The following AMBRA1 variants were observed in gnomAD, a reference collection of about 807,000 sequenced individuals.
The protein encoded by AMBRA1 is autophagy and beclin 1 regulator 1.
AMBRA1 carries 47 observed loss-of-function variants against 125.4 expected under a neutral mutation model. That is an observed-to-expected ratio of 0.37 (90% CI 0.30 to 0.48). The LOEUF is 0.48. AMBRA1 is among the 20% of genes least tolerant of loss of function. The probability of loss-of-function intolerance (pLI) is 0.99; values close to 1 mark genes in which losing one functional copy is unlikely to be tolerated. For synonymous variants in AMBRA1, 626 were observed against 655.5 expected, an observed-to-expected ratio of 0.95 and a Z score of 0.69; for missense variants, 1,331 against 1,693.4, an observed-to-expected ratio of 0.79 and a Z score of 3.76.
intron 14 of AMBRA1, among the ~76,000 whole-genome samples, chr11:46,425,955 G>A (rs886825359): frequency 6.6e-6 from 1 of 150,896 alleles, no homozygotes; most frequent in Non-Finnish European, 1.5e-5. Context: ...GACCATTCTG[G>A]CTAACACGGT....
intron 11 of AMBRA1, among the ~76,000 whole-genome samples, chr11:46,469,897 C>T (rs911923643): frequency 8.1e-5 from 12 of 147,440 alleles, no homozygotes; most frequent in South Asian, 2.1e-4. Flanking sequence ...AGACTGGTCT[C>T]GAACTCCTGG....
At chr11:46,471,866 T>C (rs1423762339) in intron 11 of AMBRA1, among the ~76,000 whole-genome samples, 1 of 152,126 alleles carries the variant, frequency 6.6e-6, no homozygotes, top group East Asian at 2.0e-4. Context: ...GTCCTCATGA[T>C]CCACCCACCT....
chr11:46,460,297 T>C (rs570990619), intron 11 of AMBRA1, among the ~76,000 whole-genome samples: 1 of 151,736 alleles, frequency 6.6e-6, no homozygotes, highest in Admixed American at 6.6e-5. Flanking sequence ...TCCATATGCA[T>C]ACGACCCCAT....
intron 9 of AMBRA1, among the ~76,000 whole-genome samples, chr11:46,501,360 G>A (rs762641846): frequency 6.6e-6 from 1 of 152,230 alleles, no homozygotes; most frequent in Admixed American, 6.5e-5. Flanking sequence ...GTGGGTGTGT[G>A]CATGAGTGCA....
chr11:46,474,229 GTTGA>G (rs759334193), intron 11 of AMBRA1, among the ~76,000 whole-genome samples: 1 of 151,896 alleles, frequency 6.6e-6, no homozygotes, highest in Non-Finnish European at 1.5e-5. Flanking sequence ...ATTTTTCCTG[GTTGA>G]TTAATTTCAT....
chr11:46,457,299 G>T (rs1948890030), intron 11 of AMBRA1, among the ~76,000 whole-genome samples: 1 of 152,198 alleles, frequency 6.6e-6, no homozygotes, highest in Non-Finnish European at 1.5e-5. Flanking sequence ...GCGACAGACA[G>T]GCTAAGCTCC....
At position 46,542,102 on chromosome 11, in the gene AMBRA1, T is replaced by G. The variant is rs780167353; in HGVS notation, c.1915A>C (p.Ser639Arg). 22 of 1,613,918 alleles carry G rather than the reference T, an allele frequency of 1.4e-5. 2 individuals are homozygous for G. The South Asian group carries it at 1.9e-4, about 14-fold the overall frequency. ...SSRLELSSSA[S>R]PQEERTVGVA... ...CCCACAGTCCTCTCCTCCTGCGGAC[T>G]AGCAGAGCTGCTCAACTCCAGCCTG... The change falls in exon 7 of 18, where the codon AGT becomes CGT. Residue 639 changes from serine (S) to arginine (R), a missense_variant. Transcript: ENST00000683756. The surrounding 1 kb of genome is among the most constrained non-coding windows in gnomAD (Gnocchi z 5.9).
At chr11:46,480,937 C>A (rs1204304645) in intron 11 of AMBRA1, among the ~76,000 whole-genome samples, 1 of 152,146 alleles carries the variant, frequency 6.6e-6, no homozygotes, top group Admixed American at 6.5e-5. Flanking sequence ...CCTTCACTAG[C>A]CAAATAAATT....
intron 16 of AMBRA1, among the ~76,000 whole-genome samples, chr11:46,409,911 C>A (rs1330778091): frequency 6.6e-6 from 1 of 152,218 alleles, no homozygotes; most frequent in African/African-American, 2.4e-5. Flanking sequence ...CAGCCCTGGG[C>A]AGCTTGGTCC....
intron 14 of AMBRA1, among the ~76,000 whole-genome samples, chr11:46,433,133 C>T (rs567142060): frequency 3.3e-5 from 5 of 152,198 alleles, no homozygotes. Context: ...CACACACACA[C>T]AAAAAGCTTT....
intron 7 of AMBRA1, among the ~76,000 whole-genome samples, chr11:46,513,268 CTT>C (rs71451654): frequency 2.0e-4 from 24 of 122,318 alleles, no homozygotes; most frequent in Middle Eastern, 4.1e-3. Flanking sequence ...GCTCTTTTTT[CTT>C]TTTTTTTTTT....
intron 16 of AMBRA1, among the ~76,000 whole-genome samples, chr11:46,409,818 T>G (rs1488940083): frequency 6.6e-6 from 1 of 152,256 alleles, no homozygotes; most frequent in Non-Finnish European, 1.5e-5. Context: ...TTTGTTCCAG[T>G]CTTCATTAGT....
At chr11:46,496,922 G>A (rs907092723) in intron 9 of AMBRA1, among the ~76,000 whole-genome samples, 3 of 151,750 alleles carry the variant, frequency 2.0e-5, no homozygotes, top group Admixed American at 2.0e-4. Flanking sequence ...GACCAGCCTG[G>A]TCAACATGGT....
At chr11:46,584,725 C>T (rs1349952829) in intron 1 of AMBRA1, among the ~76,000 whole-genome samples, 3 of 152,006 alleles carry the variant, frequency 2.0e-5, no homozygotes, top group Non-Finnish European at 4.4e-5. Context: ...CCTCCTGCCT[C>T]AGCCTCGCAA....
intron 1 of AMBRA1, among the ~76,000 whole-genome samples, chr11:46,562,818 GAGA>G (rs1340284461): frequency 7.3e-5 from 9 of 123,734 alleles, no homozygotes; most frequent in Non-Finnish European, 1.2e-4. Context: ...TTTTTTTTTT[GAGA>G]AGGAGTTTCA....
chr11:46,488,901 GGTTTTTTT>G (rs1007843991), intron 11 of AMBRA1, among the ~76,000 whole-genome samples: 3 of 152,052 alleles, frequency 2.0e-5, no homozygotes, highest in East Asian at 1.9e-4. Context: ...TCAGTAAAAA[GGTTTTTTT>G]GTTTTTTTGT....
At chr11:46,537,754 C>T (rs1952548269) in intron 7 of AMBRA1, among the ~76,000 whole-genome samples, 1 of 152,166 alleles carries the variant, frequency 6.6e-6, no homozygotes, top group East Asian at 1.9e-4. Flanking sequence ...CTTATCAATA[C>T]CCTCACTATT....
At chr11:46,454,219 G>C (rs995617300) in intron 11 of AMBRA1, among the ~76,000 whole-genome samples, 2 of 151,740 alleles carry the variant, frequency 1.3e-5, no homozygotes, top group Admixed American at 6.6e-5. Flanking sequence ...TTTAGAGACG[G>C]GGTCTTGCTG....
intron 12 of AMBRA1, among the ~76,000 whole-genome samples, chr11:46,442,225 C>T (rs946726972): frequency 5.3e-5 from 8 of 151,700 alleles, no homozygotes; most frequent in African/African-American, 1.9e-4. Context: ...TCACTGCAAC[C>T]TCTGCCACAC....
Sources: allele counts gnomAD v4.1 joint callset (sites outside exome capture counted in the v4.1 genomes callset), GRCh38; gene constraint gnomAD v4.1.1; non-coding constraint Gnocchi (gnomAD v3.1); transcripts MANE v1.5; gene names NCBI Gene and HGNC (gene_info 2026-07-23, HGNC 2026-07-21).